CLCN7: variants seen among roughly 807,000 people sequenced by gnomAD.
CLCN7 encodes Cl-/H+ antiporter 7, also known as H(+)/Cl(-) exchange transporter 7.
CLCN7 carries 60 observed loss-of-function variants against 102.1 expected under a neutral mutation model. The ratio of observed to expected loss-of-function variants is 0.59; its 90% CI spans 0.48 to 0.73. The LOEUF is 0.73. Ranked by LOEUF, CLCN7 falls within the 30% of genes least tolerant of loss-of-function variation. The pLI is 0.00. For synonymous variants in CLCN7, 560 were observed against 490.5 expected (o/e 1.14, Z -1.87); for missense variants, 962 against 1,125.7 (o/e 0.85, Z 2.08).
At chr16:1,468,028 A>T (rs1036305766) in intron 1 of CLCN7, among the ~76,000 whole-genome samples, 1 of 152,144 alleles carries the variant, frequency 6.6e-6, no homozygotes, top group Non-Finnish European at 1.5e-5. Flanking sequence ...GGCTACAGTG[A>T]GCTATGGTTG....
At chr16:1,451,361 G>A (rs551290893) in intron 16 of CLCN7, among the ~76,000 whole-genome samples, 3 of 152,272 alleles carry the variant, frequency 2.0e-5, no homozygotes, top group East Asian at 3.9e-4. Context: ...GTGTACTACC[G>A]TAGCCAGATA....
Position 1,457,774 on chromosome 16 carries a change from G to A in CLCN7, c.676-18C>T, listed in dbSNP as rs144053210. Reference sequence around the variant, plus strand: ...ACCAACGTCTGAAACACAGGGAGACGCATGGCCTCTGATGAAAAGGCAGGC... The same window carrying A: ...ACCAACGTCTGAAACACAGGGAGACACATGGCCTCTGATGAAAAGGCAGGC... On this transcript the variant is annotated intron_variant, in intron 7 of 24. Coordinates refer to ENST00000382745, the MANE Select transcript of CLCN7 (RefSeq NM_001287.6). The surrounding 1 kb of genome is among the most constrained non-coding windows in gnomAD (Gnocchi z 5.4). 258 of 1,612,220 alleles carry A rather than the reference G, an allele frequency of 1.6e-4. 1 individual carries two copies. The African/African-American group carries it at 2.9e-3, about 18-fold the overall frequency.
intron 9 of CLCN7, among the ~76,000 whole-genome samples, chr16:1,456,940 A>T (rs2038844158): frequency 6.6e-6 from 1 of 152,146 alleles, no homozygotes; most frequent in African/African-American, 2.4e-5. Flanking sequence ...GTGTCTTGAC[A>T]AATAAACAAC....
intron 16 of CLCN7, among the ~76,000 whole-genome samples, chr16:1,451,286 T>G (rs972000058): frequency 6.6e-6 from 1 of 152,222 alleles, no homozygotes; most frequent in Non-Finnish European, 1.5e-5. Flanking sequence ...CAGCTCATTG[T>G]GGCCTCAACC....
At chr16:1,455,875 AG>A in intron 10 of CLCN7, 80 bp from the exon 11 acceptor site, 2 of 1,495,586 alleles carry the variant, frequency 1.3e-6, no homozygotes, top group Non-Finnish European at 1.8e-6. Flanking sequence ...CCCAGGCTCC[AG>A]GGAACCCAGA....
chr16:1,446,832 C>T, intron 24 of CLCN7, 115 bp from the exon 25 acceptor site: 5 of 1,147,646 alleles, frequency 4.4e-6, no homozygotes, highest in Non-Finnish European at 5.1e-6. Flanking sequence ...GGGGCTTCAG[C>T]ACAGCCCCCG....
At chr16:1,465,940 C>T (rs550387333) in intron 1 of CLCN7, among the ~76,000 whole-genome samples, 2 of 152,214 alleles carry the variant, frequency 1.3e-5, no homozygotes, top group Non-Finnish European at 2.9e-5. Context: ...ATGTGACTTA[C>T]GGAGCTCCCA....
In CLCN7 at chr16:1,455,152, G is replaced by C. The variant is rs142983792; in HGVS notation, c.1080C>G (p.Phe360Leu). 1 of 1,610,724 alleles carries C rather than the reference G, an allele frequency of 6.2e-7. No homozygotes were observed. Among genetic ancestry groups the C allele is most frequent in the Non-Finnish European group, 8.5e-7 (1 of 1,176,930 alleles). Residue 360 changes from phenylalanine (F) to leucine (L), a missense_variant, in exon 12 of 25, where the codon TTC becomes TTG. Physicochemically the swap from Phe to Leu is conservative, Grantham distance 22. This residue lies in a region of CLCN7 where 799 missense variants were observed against 988.0 expected (regional missense o/e 0.81). Transcript: ENST00000382745. ...AGGTTACCTCCGAGTCAAACCTTCC[G>C]AAGTTGATGAGGCCTGGGCTGGACA... ...WDLSSPGLIN[F>L]GRFDSEKMAY...
chr16:1,459,710 T>C (rs111789098), intron 6 of CLCN7, among the ~76,000 whole-genome samples: 12 of 18,566 alleles, frequency 6.5e-4, no homozygotes, highest in Admixed American at 1.6e-3. Flanking sequence ...TCAGCACACA[T>C]GTCGGGGCCT....
At chr16:1,449,241 A>G in intron 18 of CLCN7, 35 bp downstream of exon 18, 1 of 1,571,996 alleles carries the variant, frequency 6.4e-7, no homozygotes, top group South Asian at 1.2e-5. Context: ...GACCCCGTGG[A>G]GCTCCCCACC....
Position 1,465,580 on chromosome 16 carries a change from G to A in CLCN7, c.142-242C>T, listed in dbSNP as rs534332868. On this transcript the variant is annotated intron_variant, in intron 1 of 24. Transcript: ENST00000382745. The stretch of plus-strand genomic sequence containing the variant: ...AGCGACACGTCCAGCCCGAGTCCAG[G>A]GCGCAAGCTCCCTGCTCTAGACTGA... Among the ~76,000 whole-genome samples, 423 of 152,302 alleles carry A rather than the reference G, an allele frequency of 2.8e-3. 3 individuals are homozygous for A. The highest frequency in any genetic ancestry group is 9.6e-3 in the African/African-American group (401 of 41,558).
At position 1,452,705 on chromosome 16, in the gene CLCN7, G is replaced by T. The variant is rs115993594; in HGVS notation, c.1353+50C>A. The T allele has an allele frequency of 2.9e-3, 4,496 of 1,549,270 alleles. 106 individuals carry two copies. In the African/African-American group the frequency reaches 0.052, roughly 18 times the overall value. ...AGCCTAAGCGAGCCTCCTGGAGGCCGCCCTGTGGCTGCCCTGCCTGCTGGA... is the reference window on the plus strand; with the variant it reads ...AGCCTAAGCGAGCCTCCTGGAGGCCTCCCTGTGGCTGCCCTGCCTGCTGGA... On this transcript the variant is annotated intron_variant, in intron 15 of 24. Transcript: ENST00000382745.
In CLCN7 at chr16:1,453,820, C is replaced by T. The variant is rs372016914; in HGVS notation, c.1214+14G>A. The T allele has an allele frequency of 2.2e-5, 36 of 1,612,590 alleles. No individual in the cohort carries two copies. Among genetic ancestry groups the T allele is most frequent in the Admixed American group, 2.2e-4 (13 of 60,034 alleles). ...ACGCCTGCCAACGCGATATGCAATG[C>T]GGTTTCTCCTCACCTGATTCGAAAC... On this transcript the variant is annotated intron_variant, in intron 14 of 24. Transcript: ENST00000382745.
intron 5 of CLCN7, 60 bp from the exon 6 acceptor site, chr16:1,460,587 A>G: frequency 2.1e-6 from 3 of 1,417,962 alleles, no homozygotes; most frequent in Non-Finnish European, 3.0e-6. Flanking sequence ...CCCAGACCTC[A>G]GCCCTGCCCC....
At chr16:1,467,992 A>G (rs1057162952) in intron 1 of CLCN7, among the ~76,000 whole-genome samples, 1 of 152,150 alleles carries the variant, frequency 6.6e-6, no homozygotes, top group African/African-American at 2.4e-5. Flanking sequence ...CTGAGGCAAG[A>G]GGATCGCTTG....
In CLCN7 at chr16:1,457,835, C is replaced by T. The variant is rs2038862188; in HGVS notation, c.676-79G>A. ...GACCTGAGCCGTAAAACAGCACACA[C>T]AGCCCCGATCAGGCAGAGTGGCTGG... On this transcript the variant is annotated intron_variant, in intron 7 of 24. Coordinates refer to ENST00000382745, the MANE Select transcript of CLCN7 (RefSeq NM_001287.6). This position sits in a 1 kb window ranked among gnomAD's most constrained non-coding sequence, Gnocchi z 5.4. The T allele has an allele frequency of 2.2e-6, 3 of 1,390,620 alleles. No individual in the cohort carries two copies. The highest frequency in any genetic ancestry group is 1.4e-5 in the African/African-American group (1 of 70,726). 86.1% of individuals were successfully genotyped at this position (1,390,620 alleles called of 1,614,324 possible).
chr16:1,449,783 G>A (rs1240343430), intron 17 of CLCN7: 10 of 214,090 alleles, frequency 4.7e-5, no homozygotes, highest in Non-Finnish European at 9.2e-5. Context: ...TGGTAGTGAC[G>A]GCCGCACTGC....
Position 1,457,746 on chromosome 16 carries a change from A to G in CLCN7, c.686T>C (p.Ile229Thr), listed in dbSNP as rs756574078. 3.1e-6 allele frequency: 5 copies of G among 1,613,892 alleles called. No individual in the cohort carries two copies. In the South Asian group the frequency reaches 3.3e-5, roughly 11 times the overall value. Residue 229 changes from isoleucine (I) to threonine (T), a missense_variant, in exon 8 of 25, where the codon ATC becomes ACC. Ile to Thr is a moderately conservative substitution (Grantham distance 89). This residue lies in a region of CLCN7 where 799 missense variants were observed against 988.0 expected (regional missense o/e 0.81). Transcript: ENST00000382745. This position sits in a 1 kb window ranked among gnomAD's most constrained non-coding sequence, Gnocchi z 5.4. ...PHVVRLKTLV[I>T]KVSGVILSVV... ...GGACAGGATCACACCGGACACTTTG[A>G]TCACCAACGTCTGAAACACAGGGAG...
In CLCN7 at chr16:1,448,358, G is replaced by A. The variant is rs553273016; in HGVS notation, c.2010C>T (p.Thr670=). The change falls in exon 21 of 25, where the codon ACC becomes ACT. Residue 670 remains threonine (T), a synonymous_variant. Coordinates refer to ENST00000382745, the MANE Select transcript of CLCN7 (RefSeq NM_001287.6). ...CTGTCTATGGGGTGCCCGGTACCTG[G>A]GTGTCATCGGCATGCTCCACCACGG... ...GFPVVEHADD[T]QPARLQGLIL... is the part of the protein sequence containing the mutation. 1.9e-6 allele frequency: 3 copies of A among 1,612,724 alleles called. No homozygotes were observed. The highest frequency in any genetic ancestry group is 2.5e-6 in the Non-Finnish European group (3 of 1,179,942).
Sources: gnomAD v4.1 joint callset for allele counts (sites outside exome capture counted in the v4.1 genomes callset) on GRCh38, gnomAD v4.1.1 for gene constraint, gnomAD v4.1.1 regional missense constraint, Gnocchi (gnomAD v3.1) non-coding constraint, MANE v1.5 for transcripts, NCBI Gene and HGNC (gene_info 2026-07-23, HGNC 2026-07-21) for gene names.